CACNB4: variants seen among roughly 807,000 people sequenced by gnomAD.
CACNB4 encodes the protein calcium voltage-gated channel auxiliary subunit beta 4.
In CACNB4, 32 loss-of-function variants were observed where a neutral mutation model predicts 71.2. The observed-to-expected ratio is 0.45, with a 90% CI of 0.34 to 0.60. The LOEUF is 0.60. CACNB4 is among the 20% of genes least tolerant of loss of function. The probability of loss-of-function intolerance (pLI) is 0.01; values close to 1 mark genes in which losing one functional copy is unlikely to be tolerated. For missense variants in CACNB4, 464 were observed against 647.9 expected, an observed-to-expected ratio of 0.72 and a Z score of 3.08; for synonymous variants, 231 against 236.9, an observed-to-expected ratio of 0.97 and a Z score of 0.23.
At chr2:151,939,704 C>G (rs1310548079) in intron 2 of CACNB4, among the ~76,000 whole-genome samples, 1 of 152,094 alleles carries the variant, frequency 6.6e-6, no homozygotes, top group Non-Finnish European at 1.5e-5. Context: ...TTCCAAACTG[C>G]TCCATGTGAA....
At chr2:151,964,306 A>AT (rs1004226965) in intron 2 of CACNB4, among the ~76,000 whole-genome samples, 1 of 152,176 alleles carries the variant, frequency 6.6e-6, no homozygotes, top group Non-Finnish European at 1.5e-5. Flanking sequence ...TCTTATGTGC[A>AT]TTTTTAAAGA....
intron 2 of CACNB4, among the ~76,000 whole-genome samples, chr2:152,094,581 A>C (rs1477537138): frequency 1.3e-5 from 2 of 152,214 alleles, no homozygotes; most frequent in African/African-American, 4.8e-5. Flanking sequence ...ATACTTATGG[A>C]TATATAATAG....
At chr2:151,865,362 G>A (rs951131976) in intron 9 of CACNB4, among the ~76,000 whole-genome samples, 2 of 152,008 alleles carry the variant, frequency 1.3e-5, no homozygotes, top group Non-Finnish European at 2.9e-5. Flanking sequence ...GCATCCTTTA[G>A]CTTGAGATCC....
Position 151,839,008 on chromosome 2 carries a change from C to A in CACNB4, c.*111G>T. On this transcript the variant is annotated 3_prime_UTR_variant, in exon 14 of 14. Coordinates refer to ENST00000539935, the MANE Select transcript of CACNB4 (RefSeq NM_000726.5). ...CTTACTTAGCATAAAATGACAGCAG[C>A]CCATTAGCACAGTAAATACTGTGCT... The A allele has an allele frequency of 1.1e-6, 1 of 890,334 alleles. No homozygotes were observed. The highest frequency in any genetic ancestry group is 1.7e-6 in the Non-Finnish European group (1 of 601,044). 55.2% of individuals were successfully genotyped at this position (890,334 alleles called of 1,614,324 possible).
intron 2 of CACNB4, among the ~76,000 whole-genome samples, chr2:152,009,364 A>C (rs952331656): frequency 3.3e-5 from 5 of 152,178 alleles, no homozygotes; most frequent in African/African-American, 9.7e-5. Flanking sequence ...GGTATCCTGG[A>C]TGAAATCATG....
At chr2:152,015,693 G>C (rs1166784378) in intron 2 of CACNB4, among the ~76,000 whole-genome samples, 2 of 152,234 alleles carry the variant, frequency 1.3e-5, no homozygotes, top group Non-Finnish European at 2.9e-5. Flanking sequence ...CCAGATAGGG[G>C]CTGTTCTGTC....
chr2:152,077,767 A>G (rs1017394713), intron 2 of CACNB4, among the ~76,000 whole-genome samples: 7 of 152,072 alleles, frequency 4.6e-5, no homozygotes, highest in African/African-American at 1.7e-4. Context: ...GACTGAGAGG[A>G]GAAGGGTTAG....
At chr2:152,047,725 C>G (rs1215218905) in intron 2 of CACNB4, among the ~76,000 whole-genome samples, 1 of 152,034 alleles carries the variant, frequency 6.6e-6, no homozygotes, top group African/African-American at 2.4e-5. Context: ...AAATTAAAAC[C>G]CTATCTCTAC....
At chr2:152,086,857 G>C (rs890649835) in intron 2 of CACNB4, among the ~76,000 whole-genome samples, 1 of 152,086 alleles carries the variant, frequency 6.6e-6, no homozygotes, top group African/African-American at 2.4e-5. Context: ...GTGGCCGGGC[G>C]CGGTGGCTCA....
chr2:152,054,138 C>T (rs946702266), intron 2 of CACNB4, among the ~76,000 whole-genome samples: 4 of 151,794 alleles, frequency 2.6e-5, no homozygotes, highest in Admixed American at 6.6e-5. Context: ...GAGGCCGAGA[C>T]GGGCAGATCA....
At chr2:151,980,670 A>G (rs1361277461) in intron 2 of CACNB4, among the ~76,000 whole-genome samples, 3 of 152,236 alleles carry the variant, frequency 2.0e-5, no homozygotes, top group African/African-American at 4.8e-5. Context: ...CTGGCAAAAG[A>G]GCTCACAAAG....
intron 2 of CACNB4, among the ~76,000 whole-genome samples, chr2:152,039,818 G>C (rs1684782667): frequency 6.6e-6 from 1 of 152,240 alleles, no homozygotes; most frequent in African/African-American, 2.4e-5. Flanking sequence ...AAGGCATGAA[G>C]TAAGCACTGA....
intron 2 of CACNB4, among the ~76,000 whole-genome samples, chr2:151,966,268 TTTC>T (rs1192281939): frequency 9.2e-6 from 1 of 108,856 alleles, no homozygotes; most frequent in South Asian, 2.6e-4. Flanking sequence ...TCTTTCTTTC[TTTC>T]TTTTTCTTTT....
chr2:151,937,553 G>A (rs556861445), intron 2 of CACNB4, among the ~76,000 whole-genome samples: 6 of 152,288 alleles, frequency 3.9e-5, no homozygotes, highest in African/African-American at 1.4e-4. Context: ...ATTCTGGAAT[G>A]GTACCAGCTC....
At chr2:152,074,494 C>T (rs200923138) in intron 2 of CACNB4, among the ~76,000 whole-genome samples, 291 of 151,844 alleles carry the variant, frequency 1.9e-3, no homozygotes, top group Non-Finnish European at 3.3e-3. Context: ...CCCTCCTCTC[C>T]GCCATCACCA....
rs1688431981 is a variant in CACNB4 at position 152,098,802 on chromosome 2, G to A, written c.63+147C>T. 3 of 1,048,226 alleles carry A rather than the reference G, an allele frequency of 2.9e-6. No individual in the cohort carries two copies. The highest frequency in any genetic ancestry group is 2.6e-5 in the East Asian group (1 of 37,924). The allele number at this position is 1,048,226 out of a possible 1,614,324, so 64.9% of individuals were successfully genotyped here. Reference sequence around the variant, plus strand: ...AGGAGGAGCGGGAGGAGAAAGGGACGTGGAGGAGGGGTGGGGGGAGCGGGG... The same window carrying A: ...AGGAGGAGCGGGAGGAGAAAGGGACATGGAGGAGGGGTGGGGGGAGCGGGG... On this transcript the variant is annotated intron_variant, in intron 1 of 13. Coordinates refer to ENST00000539935, the MANE Select transcript of CACNB4 (RefSeq NM_000726.5). This position sits in a 1 kb window ranked among gnomAD's most constrained non-coding sequence, Gnocchi z 5.3.
intron 2 of CACNB4, among the ~76,000 whole-genome samples, chr2:151,982,498 G>A (rs1012032829): frequency 3.3e-5 from 5 of 152,110 alleles, no homozygotes; most frequent in African/African-American, 1.2e-4. Flanking sequence ...GCCAGGCGTG[G>A]TGGCTGGCGC....
At chr2:151,871,836 T>A (rs1330125276) in intron 6 of CACNB4, 1 of 153,064 alleles carries the variant, frequency 6.5e-6, no homozygotes, top group Non-Finnish European at 1.5e-5. Flanking sequence ...AGAAGAAAAA[T>A]TCCTACATGA....
chr2:151,908,198 A>G (rs2099855272), intron 2 of CACNB4, among the ~76,000 whole-genome samples: 1 of 152,246 alleles, frequency 6.6e-6, no homozygotes, highest in South Asian at 2.1e-4. Context: ...TAAGGTGCAC[A>G]GGCATTAAAA....
Sources: gnomAD v4.1 joint callset for allele counts (sites outside exome capture counted in the v4.1 genomes callset) on GRCh38, gnomAD v4.1.1 for gene constraint, Gnocchi (gnomAD v3.1) non-coding constraint, MANE v1.5 for transcripts, NCBI Gene and HGNC (gene_info 2026-07-23, HGNC 2026-07-21) for gene names.